RAPGEF6: variants seen among roughly 807,000 people sequenced by gnomAD.
The protein encoded by RAPGEF6 is PDZ domain containing guanine nucleotide exchange factor (GEF) 2.
Under a neutral mutation model 171.4 loss-of-function variants are expected in RAPGEF6, and 56 were observed. The ratio of observed to expected loss-of-function variants is 0.33; its 90% CI spans 0.26 to 0.41. The LOEUF (loss-of-function observed/expected upper bound fraction) is 0.41, where lower values mean the gene tolerates loss of function less well. Among genes scored for constraint, RAPGEF6 ranks in the 10% least tolerant of loss-of-function variants. The pLI, the probability that RAPGEF6 is intolerant of heterozygous loss-of-function variation, is 1.00. For synonymous variants in RAPGEF6, 692 were observed against 650.1 expected (o/e 1.06, Z -0.98); for missense variants, 1,674 against 1,921.4 (o/e 0.87, Z 2.41).
intron 19 of RAPGEF6, among the ~76,000 whole-genome samples, chr5:131,458,754 A>T (rs1160075501): frequency 2.6e-5 from 4 of 152,198 alleles, no homozygotes; most frequent in African/African-American, 9.7e-5. Flanking sequence ...CCTGGGTTCA[A>T]GTGATTCTCC....
intron 19 of RAPGEF6, 46 bp downstream of exon 19, chr5:131,461,659 A>C (rs1399568017): frequency 6.6e-7 from 1 of 1,508,164 alleles, no homozygotes; most frequent in Non-Finnish European, 8.9e-7. Flanking sequence ...AGCTGCATGT[A>C]ATGACAAAAC....
chr5:131,486,675 A>G (rs1419447325), intron 15 of RAPGEF6, among the ~76,000 whole-genome samples: 1 of 150,738 alleles, frequency 6.6e-6, no homozygotes, highest in Non-Finnish European at 1.5e-5. Flanking sequence ...TTCTTTCTCA[A>G]TGATTGTTGT....
chr5:131,598,894 T>C (rs1447002092), intron 3 of RAPGEF6, among the ~76,000 whole-genome samples: 2 of 152,198 alleles, frequency 1.3e-5, no homozygotes, highest in African/African-American at 4.8e-5. Flanking sequence ...ATTGACAAGC[T>C]GATTCTAGAA....
intron 17 of RAPGEF6, chr5:131,469,690 A>G (rs1754613439): frequency 1.8e-5 from 14 of 762,180 alleles, no homozygotes; most frequent in Non-Finnish European, 2.7e-5. Context: ...AGTGGAAAGA[A>G]AAGTTGTGCT....
chr5:131,468,164 A>T (rs1226535928), intron 17 of RAPGEF6, among the ~76,000 whole-genome samples: 1 of 148,516 alleles, frequency 6.7e-6, no homozygotes, highest in Non-Finnish European at 1.5e-5. Context: ...CATCTCTACT[A>T]AAAAAAAATA....
At chr5:131,528,203 T>TCA (rs1561537905) in intron 6 of RAPGEF6, among the ~76,000 whole-genome samples, 1 of 125,214 alleles carries the variant, frequency 8.0e-6, no homozygotes, top group Admixed American at 9.5e-5. Flanking sequence ...ATTATATATA[T>TCA]TATATATAAA....
At chr5:131,520,563 G>T (rs192235402) in intron 7 of RAPGEF6, among the ~76,000 whole-genome samples, 1 of 152,166 alleles carries the variant, frequency 6.6e-6, no homozygotes, top group East Asian at 1.9e-4. Flanking sequence ...TCTGAAATAG[G>T]TAATATATTT....
intron 6 of RAPGEF6, among the ~76,000 whole-genome samples, chr5:131,533,952 T>A (rs189917331): frequency 4.1e-4 from 63 of 152,292 alleles, no homozygotes; most frequent in Non-Finnish European, 4.4e-4. Flanking sequence ...GTACCCATCC[T>A]TGTTCTTCAT....
At chr5:131,507,301 C>A (rs1309637113) in intron 9 of RAPGEF6, among the ~76,000 whole-genome samples, 1 of 151,556 alleles carries the variant, frequency 6.6e-6, no homozygotes, top group South Asian at 2.1e-4. Flanking sequence ...GAGTTCTACA[C>A]GTCTCCTCAG....
intron 6 of RAPGEF6, among the ~76,000 whole-genome samples, chr5:131,542,836 A>G (rs1760244929): frequency 6.6e-6 from 1 of 152,220 alleles, no homozygotes; most frequent in Admixed American, 6.5e-5. Flanking sequence ...TTCAAGGGTC[A>G]GCAAATTTGT....
At chr5:131,566,558 C>A (rs1390835736) in intron 4 of RAPGEF6, among the ~76,000 whole-genome samples, 1 of 151,868 alleles carries the variant, frequency 6.6e-6, no homozygotes, top group Non-Finnish European at 1.5e-5. Context: ...GTGATTTTTG[C>A]CTAGTATTGG....
intron 19 of RAPGEF6, 117 bp downstream of exon 19, chr5:131,461,588 A>T: frequency 1.0e-6 from 1 of 998,430 alleles, no homozygotes; most frequent in Non-Finnish European, 1.4e-6. Context: ...ACAACACTTC[A>T]ATAAAGGCAT....
Position 131,461,962 on chromosome 5 carries a change from T to C in RAPGEF6, c.2607A>G (p.Ser869=). The C allele has an allele frequency of 6.2e-7, 1 of 1,614,146 alleles. No individual in the cohort carries two copies. Among genetic ancestry groups the C allele is most frequent in the South Asian group, 1.1e-5 (1 of 91,074 alleles). ...TACGAAACAAATCAAAGTCCCTCAT[T>C]GACAGCTGGGTGGCCACCTCAATGG... The part of the protein sequence containing the change: ...LSTIEVATQL[S]MRDFDLFRNI... Residue 869 remains serine, a synonymous_variant, in exon 19 of 28, where the codon TCA becomes TCG. Transcript: ENST00000509018.
At position 131,531,957 on chromosome 5, in the gene RAPGEF6, TA is replaced by T. The variant is rs3836730; in HGVS notation, c.496-10437del. 2.9e-3 allele frequency: 792 copies of T among 276,886 alleles called. 10 individuals are homozygous for T. The highest frequency in any genetic ancestry group is 0.016 in the African/African-American group (709 of 44,878). 17.2% of individuals were successfully genotyped at this position (276,886 alleles called of 1,614,324 possible). Reference sequence around the variant, plus strand: ...GTTAGAATGTTTTAGATATTTAAATTAAAAAAAAATGGCAATGAGAAAGACT... The same window carrying T: ...GTTAGAATGTTTTAGATATTTAAATTAAAAAAAATGGCAATGAGAAAGACT... On this transcript the variant is annotated intron_variant, in intron 6 of 27. Coordinates refer to ENST00000509018, the MANE Select transcript of RAPGEF6 (RefSeq NM_016340.6).
At chr5:131,611,997 A>G (rs931829397) in intron 1 of RAPGEF6, among the ~76,000 whole-genome samples, 1 of 152,068 alleles carries the variant, frequency 6.6e-6, no homozygotes, top group Non-Finnish European at 1.5e-5. Flanking sequence ...CAATGATGCA[A>G]AAGCGATATG....
chr5:131,505,403 G>A lies in RAPGEF6; in HGVS notation c.1062C>T (p.Tyr354=). 2 of 1,613,582 alleles carry A rather than the reference G, an allele frequency of 1.2e-6. No individual in the cohort carries two copies. The highest frequency in any genetic ancestry group is 1.7e-6 in the Non-Finnish European group (2 of 1,179,698). Residue 354 remains tyrosine, a synonymous_variant, in exon 10 of 28, where the codon TAC becomes TAT. Coordinates refer to ENST00000509018, the MANE Select transcript of RAPGEF6 (RefSeq NM_016340.6). ...FGITPTLDKQ[Y]MHGIVRTKVD... The stretch of plus-strand genomic sequence containing the variant: ...CTTTAGTCCTGACAATTCCATGCAT[G>A]TACTGCTTATCCAGAGTGGGAGTAA...
intron 14 of RAPGEF6, among the ~76,000 whole-genome samples, chr5:131,490,384 GAAGTA>G (rs1756201522): frequency 1.3e-5 from 2 of 151,928 alleles, no homozygotes; most frequent in Non-Finnish European, 2.9e-5. Context: ...AAATTCCATA[GAAGTA>G]AAATTCCCAG....
chr5:131,496,250 C>A (rs1208296043), intron 12 of RAPGEF6, among the ~76,000 whole-genome samples: 1 of 152,164 alleles, frequency 6.6e-6, no homozygotes. Flanking sequence ...AATTTTCAAA[C>A]TGCAGAATCG....
At chr5:131,507,649 C>T (rs939659558) in intron 9 of RAPGEF6, among the ~76,000 whole-genome samples, 1 of 152,092 alleles carries the variant, frequency 6.6e-6, no homozygotes, top group Non-Finnish European at 1.5e-5. Context: ...AACACATGTT[C>T]CTCATTCTTT....
Sources: gnomAD v4.1 joint callset for allele counts (sites outside exome capture counted in the v4.1 genomes callset) on GRCh38, gnomAD v4.1.1 for gene constraint, MANE v1.5 for transcripts, NCBI Gene and HGNC (gene_info 2026-07-23, HGNC 2026-07-21) for gene names.